The following SAMMSON variants were observed in gnomAD, a reference collection of about 807,000 sequenced individuals.
SAMMSON encodes the protein long intergenic non-protein coding RNA 1212.
At chr3:70,009,373 G>T (rs1418016778) in intron 1 of SAMMSON, 1 of 152,138 alleles carries the variant, frequency 6.6e-6, no homozygotes, top group Non-Finnish European at 1.5e-5. Context: ...CTTGGGAGGG[G>T]TGTATGTGTT....
intron 4 of SAMMSON, among the ~76,000 whole-genome samples, chr3:70,081,780 C>T (rs532182714): frequency 1.0e-3 from 158 of 152,274 alleles, no homozygotes; most frequent in Admixed American, 1.9e-3. Context: ...GTACAATGAA[C>T]AATCAATAGA....
At chr3:70,006,095 TCAAA>T (rs2066925286) in intron 1 of SAMMSON, among the ~76,000 whole-genome samples, 1 of 152,192 alleles carries the variant, frequency 6.6e-6, no homozygotes, top group Admixed American at 6.5e-5. Flanking sequence ...AGCAAAAACA[TCAAA>T]CAAATGATTT....
At chr3:70,348,306 T>C (rs950063839) in intron 7 of SAMMSON, among the ~76,000 whole-genome samples, 1 of 152,178 alleles carries the variant, frequency 6.6e-6, no homozygotes, top group Admixed American at 6.5e-5. Flanking sequence ...GCAAAGGTTC[T>C]GTATTAGCCC....
intron 9 of SAMMSON, among the ~76,000 whole-genome samples, chr3:70,376,446 A>G (rs1242286571): frequency 1.3e-5 from 2 of 152,168 alleles, no homozygotes; most frequent in African/African-American, 2.4e-5. Context: ...TGGTATGCTT[A>G]TTTTAGAGTT....
At chr3:70,007,809 G>T (rs1275089259) in intron 1 of SAMMSON, among the ~76,000 whole-genome samples, 1 of 152,012 alleles carries the variant, frequency 6.6e-6, no homozygotes, top group African/African-American at 2.4e-5. Context: ...AATCCATCTT[G>T]AATTAATTTT....
At chr3:70,041,712 A>G (rs2067106982) in intron 3 of SAMMSON, among the ~76,000 whole-genome samples, 1 of 152,120 alleles carries the variant, frequency 6.6e-6, no homozygotes, top group African/African-American at 2.4e-5. Flanking sequence ...CATAGCATTT[A>G]CATTGTATTA....
intron 3 of SAMMSON, among the ~76,000 whole-genome samples, chr3:70,035,118 G>A (rs1473454049): frequency 6.6e-6 from 1 of 152,054 alleles, no homozygotes; most frequent in Non-Finnish European, 1.5e-5. Flanking sequence ...TGAAGGGGGG[G>A]ATTCACTTCG....
chr3:70,286,146 T>A (rs1368523251), intron 6 of SAMMSON, among the ~76,000 whole-genome samples: 1 of 152,258 alleles, frequency 6.6e-6, no homozygotes, highest in Non-Finnish European at 1.5e-5. Context: ...GCCTATGTCC[T>A]GAATGGTAAT....
chr3:70,315,357 T>A (rs1702487544), intron 7 of SAMMSON, among the ~76,000 whole-genome samples: 1 of 152,158 alleles, frequency 6.6e-6, no homozygotes, highest in African/African-American at 2.4e-5. Flanking sequence ...ATTTTCTATA[T>A]AGAATTTTCT....
At chr3:70,219,597 G>GA (rs1701443874) in intron 4 of SAMMSON, among the ~76,000 whole-genome samples, 1 of 152,132 alleles carries the variant, frequency 6.6e-6, no homozygotes, top group African/African-American at 2.4e-5. Context: ...AAATTGGGAT[G>GA]AAAAACCAAC....
At chr3:70,259,438 TA>T (rs2106660067) in intron 6 of SAMMSON, among the ~76,000 whole-genome samples, 1 of 151,164 alleles carries the variant, frequency 6.6e-6, no homozygotes, top group African/African-American at 2.4e-5. Flanking sequence ...AGAAAGAAAG[TA>T]AGCACCAAAC....
chr3:70,147,951 T>C (rs2067555970), intron 4 of SAMMSON, among the ~76,000 whole-genome samples: 1 of 151,932 alleles, frequency 6.6e-6, no homozygotes, highest in East Asian at 1.9e-4. Flanking sequence ...CAAAACTCAA[T>C]AGTGAGAAAT....
intron 4 of SAMMSON, among the ~76,000 whole-genome samples, chr3:70,212,139 T>C (rs1701357723): frequency 6.6e-6 from 1 of 152,140 alleles, no homozygotes; most frequent in South Asian, 2.1e-4. Context: ...CATCCAAAGA[T>C]GCAGGCAATA....
At chr3:70,344,399 C>A (rs1378020053) in intron 7 of SAMMSON, among the ~76,000 whole-genome samples, 1 of 152,086 alleles carries the variant, frequency 6.6e-6, no homozygotes, top group African/African-American at 2.4e-5. Flanking sequence ...AACTCCAGGG[C>A]AAGATCATCT....
intron 6 of SAMMSON, among the ~76,000 whole-genome samples, chr3:70,265,061 A>C (rs1486924923): frequency 3.9e-5 from 6 of 152,160 alleles, no homozygotes; most frequent in African/African-American, 1.4e-4. Flanking sequence ...TCACTATCAC[A>C]AGAACAGCGC....
intron 9 of SAMMSON, among the ~76,000 whole-genome samples, chr3:70,361,141 C>T (rs952284996): frequency 1.3e-5 from 2 of 151,998 alleles, no homozygotes; most frequent in Non-Finnish European, 2.9e-5. Context: ...AGGGCAAAAC[C>T]CTTAAAGACG....
At chr3:70,139,867 C>T (rs953358416) in intron 4 of SAMMSON, among the ~76,000 whole-genome samples, 1 of 152,130 alleles carries the variant, frequency 6.6e-6, no homozygotes, top group Non-Finnish European at 1.5e-5. Context: ...TCCCCATTGT[C>T]CTGATGAATA....
At chr3:70,025,542 CTGTTTTA>C (rs914158583) in intron 3 of SAMMSON, among the ~76,000 whole-genome samples, 1 of 152,214 alleles carries the variant, frequency 6.6e-6, no homozygotes, top group African/African-American at 2.4e-5. Flanking sequence ...CGTGCCTAGC[CTGTTTTA>C]TGTTTAAGTA....
intron 7 of SAMMSON, among the ~76,000 whole-genome samples, chr3:70,348,302 G>T (rs1252677199): frequency 1.3e-5 from 2 of 152,162 alleles, no homozygotes; most frequent in South Asian, 2.1e-4. Flanking sequence ...CAGGGCAAAG[G>T]TTCTGTATTA....
Sources: gnomAD v4.1 joint callset for allele counts (sites outside exome capture counted in the v4.1 genomes callset) on GRCh38, gnomAD v4.1.1 for gene constraint, MANE v1.5 for transcripts, NCBI Gene and HGNC (gene_info 2026-07-23, HGNC 2026-07-21) for gene names.